Variants in CACNA1C observed in about 807,000 individuals in gnomAD.
CACNA1C encodes the protein calcium voltage-gated channel subunit alpha1 C, also known as voltage-dependent L-type calcium channel subunit alpha-1C.
Under a neutral mutation model 229.0 loss-of-function variants are expected in CACNA1C, and 30 were observed. The ratio of observed to expected loss-of-function variants is 0.13; its 90% CI spans 0.10 to 0.18. CACNA1C has a LOEUF of 0.18. Among genes scored for constraint, CACNA1C ranks in the 10% least tolerant of loss-of-function variants. The probability of loss-of-function intolerance (pLI) is 1.00; values close to 1 mark genes in which losing one functional copy is unlikely to be tolerated. For missense variants in CACNA1C, 1,658 were observed against 2,845.0 expected, an observed-to-expected ratio of 0.58 and a Z score of 9.49; for synonymous variants, 1,114 against 1,132.5, an observed-to-expected ratio of 0.98 and a Z score of 0.33.
intron 3 of CACNA1C, among the ~76,000 whole-genome samples, chr12:2,213,737 G>A (rs893415057): frequency 2.6e-5 from 4 of 152,210 alleles, no homozygotes; most frequent in Non-Finnish European, 5.9e-5. Context: ...CCCGTCCACA[G>A]AGGGAAGGCA....
rs148215993 is a variant in CACNA1C, at chr12:2,046,750, G to A, written c.140-68474G>A. On this transcript the variant is annotated intron_variant, in intron 1 of 46. Transcript: ENST00000682462. ...GAGTACTCTGGCTTCCCCTTGGGAC[G>A]GACGCTGGGGCTGAGCTGCCAGGAG... 3.4e-3 allele frequency among the ~76,000 whole-genome samples: 515 copies of A among 152,216 alleles called. 3 individuals are homozygous for A. The highest frequency in any genetic ancestry group is 0.012 in the African/African-American group (492 of 41,520).
At chr12:2,521,180 C>T (rs546778505) in intron 9 of CACNA1C, among the ~76,000 whole-genome samples, 1 of 152,354 alleles carries the variant, frequency 6.6e-6, no homozygotes, top group South Asian at 2.1e-4. Context: ...TTTTAGATAC[C>T]TGCCTTTGTA....
At position 2,128,989 on chromosome 12, in the gene CACNA1C, C is replaced by T. The variant is rs148207241; in HGVS notation, c.477+8559C>T. Among the ~76,000 whole-genome samples the T allele has an allele frequency of 7.2e-4, 109 of 152,314 alleles. 1 individual carries two copies. The East Asian group carries it at 0.019, about 26-fold the overall frequency. On this transcript the variant is annotated intron_variant, in intron 3 of 46. Coordinates refer to ENST00000399655, the MANE Select transcript of CACNA1C (RefSeq NM_000719.7). Reference sequence around the variant, plus strand: ...GCATCTCCCGGTCTGTGTTCTTAGCCATTCTGCTACAGCTGCCTCCTTGTG... The same window carrying T: ...GCATCTCCCGGTCTGTGTTCTTAGCTATTCTGCTACAGCTGCCTCCTTGTG...
At chr12:2,656,293 A>T (rs2095417593) in intron 34 of CACNA1C, among the ~76,000 whole-genome samples, 1 of 152,228 alleles carries the variant, frequency 6.6e-6, no homozygotes, top group South Asian at 2.1e-4. Flanking sequence ...ATTTACACTA[A>T]CAATGAACTA....
intron 13 of CACNA1C, among the ~76,000 whole-genome samples, chr12:2,569,442 A>C: frequency 6.6e-6 from 1 of 152,202 alleles, no homozygotes; most frequent in East Asian, 1.9e-4. Context: ...AAGAAACTCC[A>C]TACCCATTCC....
At chr12:2,264,450 G>C (rs1336362327) in intron 3 of CACNA1C, among the ~76,000 whole-genome samples, 1 of 152,206 alleles carries the variant, frequency 6.6e-6, no homozygotes, top group Non-Finnish European at 1.5e-5. Context: ...TCTTACAGAT[G>C]GGGGAACTGA....
intron 3 of CACNA1C, among the ~76,000 whole-genome samples, chr12:2,323,744 G>C (rs1265690730): frequency 2.0e-5 from 3 of 152,206 alleles, no homozygotes; most frequent in Admixed American, 1.3e-4. Context: ...GGAGATTTGG[G>C]GAAATGGTGC....
Position 2,647,902 on chromosome 12 carries a change from C to T in CACNA1C, c.3913-573C>T, listed in dbSNP as rs746223030. On this transcript the variant is annotated intron_variant, in intron 30 of 46. Transcript: ENST00000399655. This position sits in a 1 kb window ranked among gnomAD's most constrained non-coding sequence, Gnocchi z 4.2. Reference sequence around the variant, plus strand: ...CTTTGGGAGGCCAAGGCAGGAGGATCGCTTGAGGCCAGCCCACGAGTTTGA... The same window carrying T: ...CTTTGGGAGGCCAAGGCAGGAGGATTGCTTGAGGCCAGCCCACGAGTTTGA... 4.6e-5 allele frequency among the ~76,000 whole-genome samples: 7 copies of T among 152,158 alleles called. No homozygotes were observed. Among genetic ancestry groups the T allele is most frequent in the South Asian group, 2.1e-4 (1 of 4,832 alleles).
intron 9 of CACNA1C, 81 bp downstream of exon 9, chr12:2,513,065 C>A: frequency 8.3e-7 from 1 of 1,198,416 alleles, no homozygotes; most frequent in Non-Finnish European, 1.1e-6. Context: ...GAACTTTGAC[C>A]GCCACCCTTT....
chr12:2,015,501 G>C lies in CACNA1C; in HGVS notation c.139+44300G>C, dbSNP rs577796941. Among the ~76,000 whole-genome samples the C allele has an allele frequency of 3.9e-5, 6 of 152,344 alleles. 1 individual carries two copies. The highest frequency in any genetic ancestry group is 1.4e-4 in the African/African-American group (6 of 41,566). On this transcript the variant is annotated intron_variant, in intron 1 of 46. Transcript: ENST00000682462. ...ATTATTGCCAAGATAGGTGGCTTCAGCCACCTCTTTGTACAGAAGAGACTG... is the reference window on the plus strand; with the variant it reads ...ATTATTGCCAAGATAGGTGGCTTCACCCACCTCTTTGTACAGAAGAGACTG...
intron 1 of CACNA1C, among the ~76,000 whole-genome samples, chr12:1,980,225 C>T (rs771224498): frequency 2.6e-5 from 4 of 152,052 alleles, no homozygotes; most frequent in African/African-American, 4.8e-5. Context: ...AAGTATCTAT[C>T]GATAGGAGAA....
intron 34 of CACNA1C, among the ~76,000 whole-genome samples, chr12:2,662,829 A>G (rs1376367389): frequency 6.6e-6 from 1 of 152,250 alleles, no homozygotes; most frequent in Non-Finnish European, 1.5e-5. Flanking sequence ...CTAGAACAAG[A>G]CCCACACATC....
At chr12:2,179,162 G>A (rs1239689697) in intron 3 of CACNA1C, among the ~76,000 whole-genome samples, 8 of 152,190 alleles carry the variant, frequency 5.3e-5, no homozygotes, top group African/African-American at 1.9e-4. Flanking sequence ...GGATAAACAG[G>A]CATTAAAATG....
chr12:2,111,887 C>T (rs185634096), intron 1 of CACNA1C, among the ~76,000 whole-genome samples: 20 of 152,210 alleles, frequency 1.3e-4, no homozygotes, highest in African/African-American at 3.9e-4. Context: ...GAGGTTACTG[C>T]GGGGGCAGGT....
chr12:2,435,637 A>G (rs1324252390), intron 3 of CACNA1C, among the ~76,000 whole-genome samples: 1 of 152,188 alleles, frequency 6.6e-6, no homozygotes. Context: ...AGGTGAAAGC[A>G]TGTTGTCAAC....
chr12:2,480,546 G>A (rs1258702529), intron 5 of CACNA1C, among the ~76,000 whole-genome samples: 1 of 152,218 alleles, frequency 6.6e-6, no homozygotes, highest in African/African-American at 2.4e-5. Context: ...TAGCACGCAA[G>A]CATGGCTCAT....
At chr12:2,179,307 T>C (rs1475111764) in intron 3 of CACNA1C, among the ~76,000 whole-genome samples, 1 of 152,166 alleles carries the variant, frequency 6.6e-6, no homozygotes, top group Admixed American at 6.5e-5. Context: ...GGAGGAGGTA[T>C]GCATTGCCAC....
chr12:2,501,192 A>G (rs2099759040), intron 7 of CACNA1C, among the ~76,000 whole-genome samples: 1 of 133,244 alleles, frequency 7.5e-6, no homozygotes, highest in African/African-American at 3.0e-5. Flanking sequence ...CCTGGGCGAC[A>G]GAGTGAGACT....
At chr12:2,490,551 A>G (rs987538341) in intron 6 of CACNA1C, among the ~76,000 whole-genome samples, 1 of 152,210 alleles carries the variant, frequency 6.6e-6, no homozygotes, top group Non-Finnish European at 1.5e-5. Flanking sequence ...CTAGAAAGCT[A>G]TGACTAGAAT....
Sources: gnomAD v4.1 joint callset for allele counts (sites outside exome capture counted in the v4.1 genomes callset) on GRCh38, gnomAD v4.1.1 for gene constraint, Gnocchi (gnomAD v3.1) non-coding constraint, MANE v1.5 for transcripts, NCBI Gene and HGNC (gene_info 2026-07-23, HGNC 2026-07-21) for gene names.